Variants in RPS6KC1 observed in about 807,000 individuals in gnomAD.
RPS6KC1 encodes the protein ribosomal protein S6 kinase C1.
In RPS6KC1, 54 loss-of-function variants were observed where a neutral mutation model predicts 103.8. That is an observed-to-expected ratio of 0.52 (90% confidence interval 0.42 to 0.65). The LOEUF (loss-of-function observed/expected upper bound fraction) is 0.65, where lower values mean the gene tolerates loss of function less well. Ranked by LOEUF, RPS6KC1 falls within the 30% of genes least tolerant of loss-of-function variation. The probability of loss-of-function intolerance (pLI) is 0.00; values close to 1 mark genes in which losing one functional copy is unlikely to be tolerated. For synonymous variants in RPS6KC1, 439 were observed against 438.7 expected, an observed-to-expected ratio of 1.00 and a Z score of -0.01; for missense variants, 1,151 against 1,253.8, an observed-to-expected ratio of 0.92 and a Z score of 1.24.
chr1:213,180,752 G>A (rs574719252), intron 8 of RPS6KC1, among the ~76,000 whole-genome samples: 1 of 152,020 alleles, frequency 6.6e-6, no homozygotes, highest in East Asian at 1.9e-4. Context: ...TCTTTTTGTT[G>A]TATTTGTGTG....
At chr1:213,423,916 C>T in the RPS6KC1 span, among the ~76,000 whole-genome samples, 3 of 152,208 alleles carry the variant, frequency 2.0e-5, no homozygotes, top group South Asian at 2.1e-4. Flanking sequence ...CAATAATACA[C>T]GCGAGTTTGC....
At chr1:213,217,498 G>C (rs914477813) in intron 8 of RPS6KC1, among the ~76,000 whole-genome samples, 1 of 152,138 alleles carries the variant, frequency 6.6e-6, no homozygotes, top group African/African-American at 2.4e-5. Context: ...TAGAAAAAGA[G>C]GGAATCCTCC....
At chr1:213,306,396 A>G in the RPS6KC1 span, among the ~76,000 whole-genome samples, 1 of 152,350 alleles carries the variant, frequency 6.6e-6, no homozygotes, top group African/African-American at 2.4e-5. Flanking sequence ...AATCATTATT[A>G]AATATATGCA....
the RPS6KC1 span, among the ~76,000 whole-genome samples, chr1:213,389,362 T>C: frequency 6.6e-6 from 1 of 152,204 alleles, no homozygotes; most frequent in Non-Finnish European, 1.5e-5. Context: ...ACGGTTCTCC[T>C]GTGGAGTCAG....
chr1:213,308,973 A>T, the RPS6KC1 span, among the ~76,000 whole-genome samples: 1 of 152,166 alleles, frequency 6.6e-6, no homozygotes, highest in African/African-American at 2.4e-5. Context: ...GCAACTGGAG[A>T]TCTGGCAGAG....
At chr1:213,785,553 A>T in the RPS6KC1 span, among the ~76,000 whole-genome samples, 1 of 111,586 alleles carries the variant, frequency 9.0e-6, no homozygotes, top group Admixed American at 1.1e-4. Context: ...CCAACTTTTA[A>T]TGAGTGTTAG....
chr1:213,467,305 G>A, the RPS6KC1 span, among the ~76,000 whole-genome samples: 1 of 152,222 alleles, frequency 6.6e-6, no homozygotes, highest in African/African-American at 2.4e-5. Context: ...TCATCCAATA[G>A]TTCCCCTACT....
At chr1:213,503,400 G>T in the RPS6KC1 span, among the ~76,000 whole-genome samples, 306 of 152,294 alleles carry the variant, frequency 2.0e-3, 2 homozygotes, top group African/African-American at 7.0e-3. Flanking sequence ...AACAGAATCT[G>T]GGTAGGCAGG....
At chr1:213,456,996 T>G in the RPS6KC1 span, among the ~76,000 whole-genome samples, 2 of 152,224 alleles carry the variant, frequency 1.3e-5, no homozygotes, top group Non-Finnish European at 2.9e-5. Context: ...CTAAATATCC[T>G]AAGAATAATC....
chr1:213,558,343 G>C, the RPS6KC1 span, among the ~76,000 whole-genome samples: 1 of 152,200 alleles, frequency 6.6e-6, no homozygotes, highest in Admixed American at 6.5e-5. Context: ...TGCGGCACCT[G>C]CCTCTGGATT....
the RPS6KC1 span, among the ~76,000 whole-genome samples, chr1:213,813,075 A>T: frequency 6.6e-6 from 1 of 152,050 alleles, no homozygotes; most frequent in Non-Finnish European, 1.5e-5. Flanking sequence ...ACATGGTGAA[A>T]CCCCGTCTCT....
chr1:213,266,844 A>C (rs2094922470), intron 14 of RPS6KC1, among the ~76,000 whole-genome samples: 1 of 151,826 alleles, frequency 6.6e-6, no homozygotes, highest in African/African-American at 2.4e-5. Context: ...CAGAGGTTGC[A>C]GTGAGCCGAG....
the RPS6KC1 span, among the ~76,000 whole-genome samples, chr1:213,764,753 G>A: frequency 6.6e-6 from 1 of 152,122 alleles, no homozygotes; most frequent in Non-Finnish European, 1.5e-5. Flanking sequence ...TCATATCCTG[G>A]AGCAAGCAAG....
At chr1:213,061,788 C>T (rs1343823636) in intron 1 of RPS6KC1, among the ~76,000 whole-genome samples, 1 of 152,182 alleles carries the variant, frequency 6.6e-6, no homozygotes, top group Non-Finnish European at 1.5e-5. Context: ...TCCTGTCCCA[C>T]ATTCAGAGAT....
chr1:213,753,085 T>G, the RPS6KC1 span, among the ~76,000 whole-genome samples: 2 of 152,334 alleles, frequency 1.3e-5, no homozygotes, highest in South Asian at 4.1e-4. Context: ...GATGCTAGTA[T>G]GGAAGTCTTT....
At chr1:213,672,806 A>T in the RPS6KC1 span, among the ~76,000 whole-genome samples, 1 of 152,142 alleles carries the variant, frequency 6.6e-6, no homozygotes, top group Non-Finnish European at 1.5e-5. Context: ...CATTCAGCAT[A>T]TCCAATACTA....
the RPS6KC1 span, among the ~76,000 whole-genome samples, chr1:213,376,084 CTGTGTGTGTGTGTGTGTGTGTGTGTG>C: frequency 2.1e-5 from 3 of 140,266 alleles, no homozygotes; most frequent in Admixed American, 1.4e-4. Context: ...CTCGTGACAA[CTGTGTGTGTGTGTGTGTGTGTGTGTG>C]TGTGTGTGTG....
In RPS6KC1 at chr1:213,109,125, A is replaced by G. The variant is rs77741293; in HGVS notation, c.378+4556A>G. Among the ~76,000 whole-genome samples the G allele has an allele frequency of 9.4e-3, 1,429 of 152,004 alleles. 52 individuals carry two copies. The highest frequency in any genetic ancestry group is 0.072 in the East Asian group (374 of 5,170). On this transcript the variant is annotated intron_variant, in intron 4 of 14. Coordinates refer to ENST00000366960, the MANE Select transcript of RPS6KC1 (RefSeq NM_012424.6). The stretch of plus-strand genomic sequence containing the variant: ...ATCCATGAAAATGAAATGACTCTAT[A>G]TTTATTTGGATATTCTGTAATTTCT...
chr1:213,294,778 G>C, the RPS6KC1 span, among the ~76,000 whole-genome samples: 1 of 152,176 alleles, frequency 6.6e-6, no homozygotes, highest in African/African-American at 2.4e-5. Flanking sequence ...GGATAGCATA[G>C]TTACAGGAAA....
Sources: allele counts gnomAD v4.1 joint callset (sites outside exome capture counted in the v4.1 genomes callset), GRCh38; gene constraint gnomAD v4.1.1; transcripts MANE v1.5; gene names NCBI Gene and HGNC (gene_info 2026-07-23, HGNC 2026-07-21).